Variants in DLG1 observed in about 807,000 individuals in gnomAD.
The protein encoded by DLG1 is disks large homolog 1.
Under a neutral mutation model 123.4 loss-of-function variants are expected in DLG1, and 42 were observed. The observed-to-expected ratio is 0.34, with a 90% CI of 0.27 to 0.44. The LOEUF is 0.44. Ranked by LOEUF, DLG1 falls within the 20% of genes least tolerant of loss-of-function variation. The probability of loss-of-function intolerance (pLI) is 1.00; values close to 1 mark genes in which losing one functional copy is unlikely to be tolerated. For synonymous variants in DLG1, 317 were observed against 356.2 expected, an observed-to-expected ratio of 0.89 and a Z score of 1.24; for missense variants, 942 against 1,082.6, an observed-to-expected ratio of 0.87 and a Z score of 1.82.
intron 5 of DLG1, among the ~76,000 whole-genome samples, chr3:197,181,656 T>C (rs1023927181): frequency 6.6e-6 from 1 of 152,152 alleles, no homozygotes; most frequent in Non-Finnish European, 1.5e-5. Context: ...CTATCCAATG[T>C]ATCAGTTACA....
chr3:197,127,521 A>ATT, intron 11 of DLG1, among the ~76,000 whole-genome samples: 1 of 137,818 alleles, frequency 7.3e-6, no homozygotes, highest in Admixed American at 7.4e-5. Context: ...AAAATACGTA[A>ATT]GTACTTTAAG....
At chr3:197,098,194 TAA>T (rs1761686630) in intron 14 of DLG1, among the ~76,000 whole-genome samples, 1 of 152,214 alleles carries the variant, frequency 6.6e-6, no homozygotes, top group African/African-American at 2.4e-5. Context: ...GCTAATTCCT[TAA>T]AAGTTCTGCA....
chr3:197,085,087 C>G (rs1039384020), intron 16 of DLG1, among the ~76,000 whole-genome samples: 1 of 151,252 alleles, frequency 6.6e-6, no homozygotes, highest in Non-Finnish European at 1.5e-5. Flanking sequence ...CGTGCCCAGC[C>G]TAATTGTATA....
At chr3:197,107,817 T>A (rs566466991) in intron 13 of DLG1, among the ~76,000 whole-genome samples, 5 of 151,544 alleles carry the variant, frequency 3.3e-5, no homozygotes, top group Admixed American at 1.3e-4. Context: ...TTTTTTTTTT[T>A]AATCTTGCCT....
intron 3 of DLG1, among the ~76,000 whole-genome samples, chr3:197,291,294 C>CAAAGTT (rs1774740568): frequency 8.3e-6 from 1 of 120,994 alleles, no homozygotes; most frequent in Non-Finnish European, 1.7e-5. Flanking sequence ...ATCTAGCCTA[C>CAAAGTT]AAAGTTACAC....
chr3:197,086,157 T>C (rs1352069853), intron 15 of DLG1, among the ~76,000 whole-genome samples: 1 of 152,098 alleles, frequency 6.6e-6, no homozygotes, highest in Non-Finnish European at 1.5e-5. Flanking sequence ...ATTTGATTTA[T>C]TAGTTGTGGA....
At chr3:197,179,603 T>C (rs1341888020) in intron 5 of DLG1, among the ~76,000 whole-genome samples, 1 of 152,162 alleles carries the variant, frequency 6.6e-6, no homozygotes, top group Non-Finnish European at 1.5e-5. Context: ...TTAAATGATA[T>C]AAAAATAAGC....
intron 14 of DLG1, among the ~76,000 whole-genome samples, chr3:197,098,307 T>C (rs1434562349): frequency 1.3e-5 from 2 of 152,234 alleles, no homozygotes; most frequent in Non-Finnish European, 2.9e-5. Flanking sequence ...TTTAAGATAG[T>C]CTACATTTTA....
intron 6 of DLG1, among the ~76,000 whole-genome samples, chr3:197,148,282 T>C (rs1792065015): frequency 2.3e-5 from 3 of 132,906 alleles, no homozygotes; most frequent in South Asian, 2.5e-4. Flanking sequence ...TGGTGGCACG[T>C]GTCCGTGTTC....
chr3:197,218,983 A>T (rs1474966456), intron 4 of DLG1, among the ~76,000 whole-genome samples: 3 of 152,108 alleles, frequency 2.0e-5, no homozygotes, highest in African/African-American at 7.2e-5. Flanking sequence ...ATACAAAATT[A>T]GCCAGGCATG....
intron 14 of DLG1, among the ~76,000 whole-genome samples, chr3:197,097,608 T>G (rs1340336009): frequency 1.4e-5 from 2 of 138,288 alleles, no homozygotes; most frequent in Non-Finnish European, 3.1e-5. Context: ...TGAGAGAGAG[T>G]CTCGCTCTGT....
rs1209611635 is a variant in DLG1, at chr3:197,209,481, A to G, written c.319-14892T>C. Among the ~76,000 whole-genome samples, 3 of 146,856 alleles carry G rather than the reference A, an allele frequency of 2.0e-5. 1 individual carries two copies. The highest frequency in any genetic ancestry group is 5.1e-4 in the South Asian group (2 of 3,950). The stretch of plus-strand genomic sequence containing the variant: ...CTTGATTAGCAACTGATAGAACTAT[A>G]CAAATATAAGACAAATTGAACAAAG... On this transcript the variant is annotated intron_variant, in intron 4 of 24. Transcript: ENST00000667157.
At chr3:197,069,346 C>T (rs570080640) in intron 18 of DLG1, 86 bp from the exon 19 acceptor site, 2 of 777,464 alleles carry the variant, frequency 2.6e-6, no homozygotes, top group African/African-American at 1.8e-5. Context: ...GAGATATAAG[C>T]CATATATAAC....
chr3:197,256,061 C>A (rs775487744), intron 4 of DLG1, among the ~76,000 whole-genome samples: 1 of 152,086 alleles, frequency 6.6e-6, no homozygotes, highest in Non-Finnish European at 1.5e-5. Context: ...GGAAGAATGG[C>A]GCTAATAAAG....
intron 4 of DLG1, among the ~76,000 whole-genome samples, chr3:197,268,590 T>A (rs2151020942): frequency 6.6e-6 from 1 of 152,028 alleles, no homozygotes; most frequent in African/African-American, 2.4e-5. Context: ...ACGCCTAATT[T>A]TTTTTTTTTG....
intron 4 of DLG1, among the ~76,000 whole-genome samples, chr3:197,249,595 A>G (rs769946393): frequency 5.9e-5 from 9 of 152,306 alleles, no homozygotes; most frequent in Admixed American, 2.0e-4. Context: ...CCAAAACCAG[A>G]CACGGATAAA....
chr3:197,171,384 A>G lies in DLG1; in HGVS notation c.484-21588T>C, dbSNP rs1577453532. 2.0e-5 allele frequency among the ~76,000 whole-genome samples: 3 copies of G among 152,162 alleles called. No homozygotes were observed. In the South Asian group the frequency reaches 6.2e-4, roughly 32 times the overall value. On this transcript the variant is annotated intron_variant, in intron 5 of 24. Coordinates refer to ENST00000667157, the MANE Select transcript of DLG1 (RefSeq NM_001366207.1). ...TTCACATAAGCCGGTATAGTAAAAA[A>G]CCAACAATATGTTATTTGAACCAGC...
chr3:197,244,096 T>C lies in DLG1; in HGVS notation c.318+38583A>G, dbSNP rs9842311. Among the ~76,000 whole-genome samples the C allele has an allele frequency of 7.4e-3, 1,127 of 152,324 alleles. 4 individuals are homozygous for C. Among genetic ancestry groups the C allele is most frequent in the Non-Finnish European group, 0.012 (839 of 68,022 alleles). On this transcript the variant is annotated intron_variant, in intron 4 of 24. Transcript: ENST00000667157. Reference sequence around the variant, plus strand: ...CTGATTAGTAAGCTCCTGGAAGGGCTTAAGCTCACTGCATCCCTTTAGGTC... The same window carrying C: ...CTGATTAGTAAGCTCCTGGAAGGGCCTAAGCTCACTGCATCCCTTTAGGTC...
chr3:197,225,285 G>A (rs1178394131), intron 4 of DLG1, among the ~76,000 whole-genome samples: 1 of 152,122 alleles, frequency 6.6e-6, no homozygotes, highest in African/African-American at 2.4e-5. Context: ...TTTTATATAA[G>A]AATAACCATC....
Sources: gnomAD v4.1 joint callset for allele counts (sites outside exome capture counted in the v4.1 genomes callset) on GRCh38, gnomAD v4.1.1 for gene constraint, MANE v1.5 for transcripts, NCBI Gene and HGNC (gene_info 2026-07-23, HGNC 2026-07-21) for gene names.